FBXL17: variants seen among roughly 807,000 people sequenced by gnomAD.
FBXL17 encodes the protein F-box and leucine rich repeat protein 17, also known as F-box/LRR-repeat protein 17.
FBXL17 carries 22 observed loss-of-function variants against 66.2 expected under a neutral mutation model. The observed-to-expected ratio is 0.33, with a 90% CI of 0.24 to 0.47. The LOEUF (loss-of-function observed/expected upper bound fraction) is 0.47, where lower values mean the gene tolerates loss of function less well. FBXL17 is among the 20% of genes least tolerant of loss of function. The pLI is 1.00. For missense variants in FBXL17, 878 were observed against 948.2 expected (o/e 0.93, Z 0.97); for synonymous variants, 474 against 400.5 (o/e 1.18, Z -2.19).
intron 6 of FBXL17, among the ~76,000 whole-genome samples, chr5:108,028,214 G>A (rs1436591905): frequency 2.0e-5 from 3 of 152,040 alleles, no homozygotes; most frequent in Non-Finnish European, 4.4e-5. Context: ...TCTGCAACTC[G>A]AAACTGATGC....
intron 7 of FBXL17, among the ~76,000 whole-genome samples, chr5:107,961,670 T>C (rs1420329184): frequency 2.0e-5 from 3 of 152,080 alleles, no homozygotes; most frequent in South Asian, 4.1e-4. Flanking sequence ...CTGGTAAGAT[T>C]TGGATAAAAT....
intron 6 of FBXL17, among the ~76,000 whole-genome samples, chr5:108,159,722 T>C (rs1317866142): frequency 6.6e-6 from 1 of 152,190 alleles, no homozygotes; most frequent in Non-Finnish European, 1.5e-5. Flanking sequence ...AAACATCGTG[T>C]AAAGATACAC....
At chr5:108,351,394 T>C (rs1330792961) in intron 3 of FBXL17, among the ~76,000 whole-genome samples, 2 of 152,196 alleles carry the variant, frequency 1.3e-5, no homozygotes, top group African/African-American at 4.8e-5. Flanking sequence ...GAAAATGTTT[T>C]CTCATTCTGT....
intron 7 of FBXL17, among the ~76,000 whole-genome samples, chr5:107,959,992 A>G (rs1230869086): frequency 6.6e-6 from 1 of 152,212 alleles, no homozygotes. Flanking sequence ...CACGTGACAC[A>G]GAAGTCCCAG....
chr5:108,208,704 G>C (rs898970132), intron 5 of FBXL17, among the ~76,000 whole-genome samples: 1 of 152,070 alleles, frequency 6.6e-6, no homozygotes, highest in South Asian at 2.1e-4. Context: ...TGCTGTTTTG[G>C]TTACTGTACC....
At chr5:108,074,733 T>A (rs1345901800) in intron 6 of FBXL17, among the ~76,000 whole-genome samples, 1 of 152,302 alleles carries the variant, frequency 6.6e-6, no homozygotes. Flanking sequence ...TCTTTTGTAT[T>A]ACATTACCCG....
At chr5:108,215,723 T>A (rs566835708) in intron 5 of FBXL17, among the ~76,000 whole-genome samples, 1 of 152,322 alleles carries the variant, frequency 6.6e-6, no homozygotes, top group South Asian at 2.1e-4. Context: ...ATTTACCTTT[T>A]TTTTCTTCTG....
Position 107,931,279 on chromosome 5 carries a change from G to A in FBXL17, c.1823-50100C>T, listed in dbSNP as rs867266989. On this transcript the variant is annotated intron_variant, in intron 7 of 8. Transcript: ENST00000542267. ...AGAATTTTTTTTTTTTTTTTTTTGA[G>A]ACAGGGTCTCACTGTCATTGCCCAG... is the stretch of plus-strand genomic sequence containing the variant. 7.0e-4 allele frequency among the ~76,000 whole-genome samples: 85 copies of A among 121,042 alleles called. 1 individual carries two copies. Among genetic ancestry groups the A allele is most frequent in the African/African-American group, 2.5e-3 (80 of 32,082 alleles). 79.4% of individuals were successfully genotyped at this position (121,042 alleles called of 152,430 possible). A position where few individuals can be genotyped will look rare whatever the true frequency, so the allele number is the denominator to read the frequency against.
In FBXL17 at chr5:108,294,072, AGT is replaced by A. The variant is rs1286011320; in HGVS notation, c.1506+54325_1506+54326del. On this transcript the variant is annotated intron_variant, in intron 4 of 8. Coordinates refer to ENST00000542267, the MANE Select transcript of FBXL17 (RefSeq NM_001163315.3). ...AAAAAAAAAAAAAAAAAAAAGGAGA[AGT>A]AATGTATTTCAATCATTAAGATAAA... is the stretch of plus-strand genomic sequence containing the variant. 7.2e-4 allele frequency among the ~76,000 whole-genome samples: 108 copies of A among 149,238 alleles called. 1 individual carries two copies. Among genetic ancestry groups the A allele is most frequent in the African/African-American group, 2.5e-3 (101 of 40,796 alleles).
At chr5:108,112,136 G>A (rs1179519615) in intron 6 of FBXL17, among the ~76,000 whole-genome samples, 1 of 152,240 alleles carries the variant, frequency 6.6e-6, no homozygotes, top group African/African-American at 2.4e-5. Context: ...AAGAGTGCCA[G>A]AAAGGAGGCA....
At chr5:108,144,787 CAA>C (rs1751493413) in intron 6 of FBXL17, among the ~76,000 whole-genome samples, 2 of 152,088 alleles carry the variant, frequency 1.3e-5, no homozygotes. Context: ...ATGAAACTGA[CAA>C]AATCTTTTAG....
intron 4 of FBXL17, among the ~76,000 whole-genome samples, chr5:108,276,780 T>A (rs1436935468): frequency 1.3e-5 from 2 of 152,094 alleles, no homozygotes; most frequent in South Asian, 2.1e-4. Flanking sequence ...AGAAAAAAAA[T>A]TATTATTCAA....
chr5:108,126,624 T>C (rs1750706443), intron 6 of FBXL17, among the ~76,000 whole-genome samples: 1 of 69,044 alleles, frequency 1.4e-5, no homozygotes, highest in Non-Finnish European at 2.8e-5. Context: ...TATCTCTCTG[T>C]CTCTCTGTCT....
chr5:108,242,349 T>TTTTTTG (rs367864106), intron 4 of FBXL17, among the ~76,000 whole-genome samples: 2 of 146,810 alleles, frequency 1.4e-5, no homozygotes, highest in Admixed American at 6.9e-5. Context: ...GCCTGGCTAG[T>TTTTTTG]TTGTTGTTGT....
chr5:108,022,603 AT>A, intron 6 of FBXL17, among the ~76,000 whole-genome samples: 1 of 152,168 alleles, frequency 6.6e-6, no homozygotes, highest in African/African-American at 2.4e-5. Flanking sequence ...AAAATCATTA[AT>A]TGCAGTTTGT....
In FBXL17 at chr5:108,364,929, C is replaced by G; in HGVS notation, c.1183G>C (p.Asp395His). The change falls in exon 3 of 9, where the codon GAT (aspartate) becomes CAT (histidine). Residue 395 changes from aspartate (D) to histidine (H), a missense_variant. Coordinates refer to ENST00000542267, the MANE Select transcript of FBXL17 (RefSeq NM_001163315.3). ...SQNIIEINISDCRSMSDNGVC... is the reference protein window; with the variant it reads ...SQNIIEINISHCRSMSDNGVC... ...CCATTATCAGACATACTGCGACAAT[C>G]AGAAATGTTGATTTCAATTATATTC... 1 of 1,612,396 alleles carries G rather than the reference C, an allele frequency of 6.2e-7. No homozygotes were observed. Among genetic ancestry groups the G allele is most frequent in the Non-Finnish European group, 8.5e-7 (1 of 1,178,760 alleles).
At chr5:108,321,758 T>C (rs965144574) in intron 4 of FBXL17, among the ~76,000 whole-genome samples, 9 of 151,070 alleles carry the variant, frequency 6.0e-5, no homozygotes, top group Non-Finnish European at 1.2e-4. Context: ...AAATGCTATG[T>C]AGGCAAAGCC....
intron 6 of FBXL17, among the ~76,000 whole-genome samples, chr5:108,022,287 G>C (rs1010875920): frequency 6.6e-6 from 1 of 151,794 alleles, no homozygotes; most frequent in African/African-American, 2.4e-5. Flanking sequence ...AATTATGATT[G>C]ATACAGGTTG....
chr5:107,936,473 A>T (rs1317786993), intron 7 of FBXL17, among the ~76,000 whole-genome samples: 1 of 152,012 alleles, frequency 6.6e-6, no homozygotes, highest in Non-Finnish European at 1.5e-5. Flanking sequence ...ATCCTCATAC[A>T]TTTGCTGCTT....
Sources: allele counts gnomAD v4.1 joint callset (sites outside exome capture counted in the v4.1 genomes callset), GRCh38; gene constraint gnomAD v4.1.1; transcripts MANE v1.5; gene names NCBI Gene and HGNC (gene_info 2026-07-23, HGNC 2026-07-21).